TMEM266: variants seen among roughly 807,000 people sequenced by gnomAD.
TMEM266 encodes transmembrane protein 266, also known as Hv1 related protein 1.
Under a neutral mutation model 50.5 loss-of-function variants are expected in TMEM266, and 33 were observed. The observed-to-expected ratio is 0.65, with a 90% CI of 0.50 to 0.87. TMEM266 has a LOEUF of 0.87. Among genes scored for constraint, TMEM266 ranks in the 40% least tolerant of loss-of-function variants. The pLI is 0.00. For synonymous variants in TMEM266, 310 were observed against 292.3 expected (o/e 1.06, Z -0.62); for missense variants, 655 against 695.1 (o/e 0.94, Z 0.65).
chr15:76,104,937 C>T (rs973009511), intron 1 of TMEM266, among the ~76,000 whole-genome samples: 1 of 148,986 alleles, frequency 6.7e-6, no homozygotes, highest in African/African-American at 2.5e-5. Context: ...TTGAAAGTTT[C>T]GGCCAGGCAC....
intron 1 of TMEM266, among the ~76,000 whole-genome samples, chr15:76,129,812 T>A (rs2935980): frequency 6.6e-6 from 1 of 152,004 alleles, no homozygotes; most frequent in African/African-American, 2.4e-5. Context: ...TAATGAGACC[T>A]AAGAGTCATA....
In TMEM266 at chr15:76,160,053, A is replaced by C. The variant is rs758848944; in HGVS notation, c.383-42A>C. 2.5e-6 allele frequency: 4 copies of C among 1,593,228 alleles called. No homozygotes were observed. The East Asian group carries it at 8.9e-5, about 36-fold the overall frequency. On this transcript the variant is annotated intron_variant, in intron 4 of 10. Transcript: ENST00000388942. The surrounding 1 kb of genome is among the most constrained non-coding windows in gnomAD (Gnocchi z 5.7). ...CGAAGCCCCCATAGCAACGCACCTA[A>C]TTCCTCACTCCTAAAATTGGTCCTT...
intron 3 of TMEM266, among the ~76,000 whole-genome samples, chr15:76,148,058 A>T (rs2037782163): frequency 6.6e-6 from 1 of 152,266 alleles, no homozygotes; most frequent in Non-Finnish European, 1.5e-5. Flanking sequence ...CCACCTGCTC[A>T]CAAGGCGCAG....
chr15:76,150,764 C>G (rs865790777), intron 3 of TMEM266, among the ~76,000 whole-genome samples: 1 of 152,230 alleles, frequency 6.6e-6, no homozygotes, highest in African/African-American at 2.4e-5. Flanking sequence ...GGCTTGGGAA[C>G]GCTGCCTGAC....
At chr15:76,136,313 G>A (rs1030869476) in intron 2 of TMEM266, among the ~76,000 whole-genome samples, 4 of 152,138 alleles carry the variant, frequency 2.6e-5, no homozygotes, top group African/African-American at 4.8e-5. Flanking sequence ...TCCCACACAA[G>A]TATAGGGACT....
Position 76,184,028 on chromosome 15 carries a change from G to A in TMEM266, c.769-7940G>A, listed in dbSNP as rs145637399. ...CCTGAGAGAATGCCAACGGCTCTGCGTAGGTCACTCGCCTTTGAGGCTGGG... is the reference window on the plus strand; with the variant it reads ...CCTGAGAGAATGCCAACGGCTCTGCATAGGTCACTCGCCTTTGAGGCTGGG... On this transcript the variant is annotated intron_variant, in intron 8 of 10. Transcript: ENST00000388942. 4.3e-3 allele frequency among the ~76,000 whole-genome samples: 659 copies of A among 152,312 alleles called. 8 individuals carry two copies. Among genetic ancestry groups the A allele is most frequent in the African/African-American group, 0.015 (628 of 41,562 alleles).
chr15:76,202,616 T>A (rs755537107), intron 10 of TMEM266, among the ~76,000 whole-genome samples: 2 of 152,066 alleles, frequency 1.3e-5, no homozygotes, highest in Non-Finnish European at 2.9e-5. Context: ...GAGGCTGAGG[T>A]GCCATAGCAC....
At chr15:76,105,002 G>A (rs1399666962) in intron 1 of TMEM266, among the ~76,000 whole-genome samples, 6 of 152,120 alleles carry the variant, frequency 3.9e-5, no homozygotes, top group African/African-American at 1.2e-4. Flanking sequence ...GGTGGATCAC[G>A]AGGTCAGGTT....
Position 76,192,132 on chromosome 15 carries a change from C to A in TMEM266, c.933C>A (p.Val311=). 7.1e-7 allele frequency: 1 copy of A among 1,407,292 alleles called. No homozygotes were observed. Among genetic ancestry groups the A allele is most frequent in the Non-Finnish European group, 9.2e-7 (1 of 1,082,418 alleles). 87.2% of individuals were successfully genotyped at this position (1,407,292 alleles called of 1,614,324 possible). A position where few individuals can be genotyped will look rare whatever the true frequency, so the allele number is the denominator to read the frequency against. The stretch of plus-strand genomic sequence containing the variant: ...ACGAGGAGACGGCGGCCGAGAGCGT[C>A]GTGGAGGAGCTGCAGCCCTCGCAAG... The change falls in exon 9 of 11, where the codon GTC becomes GTA. Residue 311 remains valine (V), a synonymous_variant. Transcript: ENST00000388942.
chr15:76,177,979 T>C (rs567345912), intron 8 of TMEM266, among the ~76,000 whole-genome samples: 174 of 152,266 alleles, frequency 1.1e-3, no homozygotes, highest in Non-Finnish European at 2.2e-3. Context: ...AGCAGAGCCC[T>C]GGGGAGAAGG....
intron 1 of TMEM266, among the ~76,000 whole-genome samples, chr15:76,071,905 G>A (rs1030313986): frequency 2.0e-5 from 3 of 151,304 alleles, no homozygotes; most frequent in East Asian, 1.9e-4. Flanking sequence ...GACCAGATTC[G>A]GCATTTTTTT....
At chr15:76,136,443 C>A (rs957534905) in intron 2 of TMEM266, among the ~76,000 whole-genome samples, 4 of 152,240 alleles carry the variant, frequency 2.6e-5, no homozygotes, top group African/African-American at 9.6e-5. Flanking sequence ...ATTGGAGAAA[C>A]TGAGGTTCAG....
At chr15:76,104,516 C>T (rs1435204140) in intron 1 of TMEM266, among the ~76,000 whole-genome samples, 3 of 152,062 alleles carry the variant, frequency 2.0e-5, no homozygotes, top group African/African-American at 4.8e-5. Flanking sequence ...GATGGAGAAA[C>T]GTGAGCATTT....
At chr15:76,103,656 A>T (rs35683640) in intron 1 of TMEM266, among the ~76,000 whole-genome samples, 34,860 of 151,916 alleles carry the variant, frequency 0.23, 4,391 homozygotes, top group Non-Finnish European at 0.27. Context: ...CCACACCTGT[A>T]ATCCCAGCAC....
intron 6 of TMEM266, among the ~76,000 whole-genome samples, chr15:76,170,613 C>T (rs762681052): frequency 3.3e-5 from 5 of 152,204 alleles, no homozygotes; most frequent in Admixed American, 6.5e-5. Flanking sequence ...CTGTTCCCCT[C>T]GGGGAAGGAG....
At chr15:76,066,471 C>T (rs1475499664) in intron 1 of TMEM266, among the ~76,000 whole-genome samples, 2 of 152,092 alleles carry the variant, frequency 1.3e-5, no homozygotes, top group African/African-American at 4.8e-5. Context: ...TCTCTACTCT[C>T]AGAATAAAAT....
chr15:76,065,623 C>G (rs1476247647), intron 1 of TMEM266, among the ~76,000 whole-genome samples: 2 of 152,156 alleles, frequency 1.3e-5, no homozygotes, highest in Admixed American at 6.5e-5. Context: ...TGATTTAACC[C>G]TCGTACCTCA....
At chr15:76,065,139 G>C (rs1567137436) in intron 1 of TMEM266, among the ~76,000 whole-genome samples, 1 of 152,116 alleles carries the variant, frequency 6.6e-6, no homozygotes, top group Non-Finnish European at 1.5e-5. Flanking sequence ...AAAAGAACAA[G>C]GTGAAATATA....
At chr15:76,090,768 G>A (rs2036838115) in intron 1 of TMEM266, among the ~76,000 whole-genome samples, 1 of 152,042 alleles carries the variant, frequency 6.6e-6, no homozygotes, top group African/African-American at 2.4e-5. Context: ...GAAGGGTGAG[G>A]AAGAGGGTAG....
Sources: gnomAD v4.1 joint callset for allele counts (sites outside exome capture counted in the v4.1 genomes callset) on GRCh38, gnomAD v4.1.1 for gene constraint, Gnocchi (gnomAD v3.1) non-coding constraint, MANE v1.5 for transcripts, NCBI Gene and HGNC (gene_info 2026-07-23, HGNC 2026-07-21) for gene names.